PITPNM2: variants seen among roughly 807,000 people sequenced by gnomAD.
PITPNM2 encodes membrane-associated phosphatidylinositol transfer protein 2.
A neutral mutation model predicts 132.2 loss-of-function variants in PITPNM2; 35 were observed. The observed-to-expected ratio is 0.26, with a 90% confidence interval of 0.20 to 0.35. The LOEUF is 0.35. Among genes scored for constraint, PITPNM2 ranks in the 10% least tolerant of loss-of-function variants. The pLI is 1.00. For missense variants in PITPNM2, 1,332 were observed against 1,912.0 expected (o/e 0.70, Z 5.66); for synonymous variants, 738 against 799.2 (o/e 0.92, Z 1.29).
In PITPNM2 at chr12:123,000,686, G is replaced by A; in HGVS notation, c.1224+92C>T. On this transcript the variant is annotated intron_variant, in intron 10 of 25. Transcript: ENST00000320201. This position sits in a 1 kb window ranked among gnomAD's most constrained non-coding sequence, Gnocchi z 5.4. ...TGGAGGTGAGGCTGCCAGGCCCAGA[G>A]TTCCACCTCTGTAACCCCTCAGACT... 1.4e-6 allele frequency: 2 copies of A among 1,400,114 alleles called. No individual in the cohort carries two copies. Among genetic ancestry groups the A allele is most frequent in the Non-Finnish European group, 9.9e-7 (1 of 1,010,552 alleles). 86.7% of individuals were successfully genotyped at this position (1,400,114 alleles called of 1,614,324 possible). A position where few individuals can be genotyped will look rare whatever the true frequency, so the allele number is the denominator to read the frequency against.
At chr12:123,116,974 A>T (rs925503573) in intron 1 of PITPNM2, among the ~76,000 whole-genome samples, 2 of 152,220 alleles carry the variant, frequency 1.3e-5, no homozygotes, top group Non-Finnish European at 2.9e-5. Flanking sequence ...GCCCTGCCCA[A>T]ATTGCCACAC....
intron 1 of PITPNM2, among the ~76,000 whole-genome samples, chr12:123,121,720 T>C (rs2043035823): frequency 6.6e-6 from 1 of 150,594 alleles, no homozygotes; most frequent in African/African-American, 2.4e-5. Flanking sequence ...TTTAACATAA[T>C]TTTTTTTTAG....
At position 122,997,375 on chromosome 12, in the gene PITPNM2, G is replaced by A; in HGVS notation, c.1422C>T (p.Arg474=). 1 of 1,613,476 alleles carries A rather than the reference G, an allele frequency of 6.2e-7. No homozygotes were observed. Among genetic ancestry groups the A allele is most frequent in the Non-Finnish European group, 8.5e-7 (1 of 1,179,986 alleles). Residue 474 remains arginine, a synonymous_variant, in exon 11 of 26, where the codon CGC becomes CGT. Transcript: ENST00000320201. ...AGCAGACGGGCGGGCAGGGCACCAG[G>A]CGGATGGCAAGGCGGCCCAGGGCGC... ...YPSALGRLAI[R]LVPCPPVCSD...
intron 2 of PITPNM2, among the ~76,000 whole-genome samples, chr12:123,103,990 C>T (rs1172123845): frequency 6.6e-6 from 1 of 152,180 alleles, no homozygotes; most frequent in East Asian, 1.9e-4. Flanking sequence ...TGGCTAACCG[C>T]AACCTCCGCC....
At position 122,984,488 on chromosome 12, in the gene PITPNM2, C is replaced by T. The variant is rs1021116209; in HGVS notation, c.*1539G>A. ...TGCCTGAAACAACAAAAAGCTACAT[C>T]TTAAATATGAATAAACCCTGAAGGT... On this transcript the variant is annotated 3_prime_UTR_variant, in exon 26 of 26. Coordinates refer to ENST00000320201, the MANE Select transcript of PITPNM2 (RefSeq NM_020845.3). The T allele has an allele frequency of 1.3e-5, 2 of 152,536 alleles. No individual in the cohort carries two copies. The highest frequency in any genetic ancestry group is 2.9e-5 in the Non-Finnish European group (2 of 68,044). The allele number at this position is 152,536 out of a possible 1,614,324, so 9.4% of individuals were successfully genotyped here.
At position 123,005,110 on chromosome 12, in the gene PITPNM2, C is replaced by T. The variant is rs2038867468; in HGVS notation, c.952+130G>A. 2 of 1,166,396 alleles carry T rather than the reference C, an allele frequency of 1.7e-6. No homozygotes were observed. The highest frequency in any genetic ancestry group is 2.3e-5 in the Admixed American group (1 of 44,264). 72.3% of individuals were successfully genotyped at this position (1,166,396 alleles called of 1,614,324 possible). A position where few individuals can be genotyped will look rare whatever the true frequency, so the allele number is the denominator to read the frequency against. On this transcript the variant is annotated intron_variant, in intron 7 of 25. Transcript: ENST00000320201. This position sits in a 1 kb window ranked among gnomAD's most constrained non-coding sequence, Gnocchi z 6.2. ...TGCGAGGACTAGCCCAGGGCTCTGA[C>T]TCCCTCTGGGCTTGGTGCCTCAATG... is the stretch of plus-strand genomic sequence containing the variant.
At chr12:123,072,392 G>A (rs2041644866) in intron 2 of PITPNM2, among the ~76,000 whole-genome samples, 2 of 152,196 alleles carry the variant, frequency 1.3e-5, no homozygotes, top group Admixed American at 6.5e-5. Flanking sequence ...CTTAGAGAAA[G>A]GTGATGGGGA....
intron 2 of PITPNM2, among the ~76,000 whole-genome samples, chr12:123,107,951 A>G (rs2042755103): frequency 6.6e-6 from 1 of 152,174 alleles, no homozygotes; most frequent in South Asian, 2.1e-4. Flanking sequence ...GCACAGAGGG[A>G]GGAAGGAGAG....
Position 123,013,839 on chromosome 12 carries a change from G to A in PITPNM2, c.282C>T (p.Tyr94=). 1 of 1,614,100 alleles carries A rather than the reference G, an allele frequency of 6.2e-7. No individual in the cohort carries two copies. Among genetic ancestry groups the A allele is most frequent in the Non-Finnish European group, 8.5e-7 (1 of 1,180,014 alleles). Residue 94 remains tyrosine (Y), a synonymous_variant, in exon 4 of 26, where the codon TAC becomes TAT. Coordinates refer to ENST00000320201, the MANE Select transcript of PITPNM2 (RefSeq NM_020845.3). ...VVEESWNAYP[Y]TRTRFTCPFV... is the part of the protein sequence containing the mutation. The stretch of plus-strand genomic sequence containing the variant: ...CAAAGCAGGCGCACCTGGTTCGGGT[G>A]TAGGGGTAGGCATTCCAAGACTCCT...
In PITPNM2 at chr12:123,010,001, T is replaced by C. The variant is rs1253135161; in HGVS notation, c.492A>G (p.Ser164=). The change falls in exon 6 of 26, where the codon TCA becomes TCG. Residue 164 remains serine (S), a synonymous_variant. Transcript: ENST00000320201. ...KTEEDPKLFQ[S]TKTQRGPLSE... ...ACAGGGGCCCCCGCTGGGTCTTGGT[T>C]GACTGGAACAGCTTGGGGTCCTCTT... 3 of 1,614,232 alleles carry C rather than the reference T, an allele frequency of 1.9e-6. No individual in the cohort carries two copies. The East Asian group carries it at 6.7e-5, about 36-fold the overall frequency.
In PITPNM2 at chr12:123,000,571, A is replaced by T. The variant is rs1594133801; in HGVS notation, c.1224+207T>A. 1.5e-6 allele frequency: 1 copy of T among 667,918 alleles called. No individual in the cohort carries two copies. The highest frequency in any genetic ancestry group is 2.3e-5 in the Admixed American group (1 of 43,442). 41.4% of individuals were successfully genotyped at this position (667,918 alleles called of 1,614,324 possible). The stretch of plus-strand genomic sequence containing the variant: ...TGTCTGTAGTCCCTGGTTCTCGGGG[A>T]CCTCAGAGACAGAGGGCGACAGGCG... On this transcript the variant is annotated intron_variant, in intron 10 of 25. Coordinates refer to ENST00000320201, the MANE Select transcript of PITPNM2 (RefSeq NM_020845.3). The surrounding 1 kb of genome is among the most constrained non-coding windows in gnomAD (Gnocchi z 5.4).
At chr12:123,026,300 A>G (rs576940416) in intron 3 of PITPNM2, among the ~76,000 whole-genome samples, 1 of 152,304 alleles carries the variant, frequency 6.6e-6, no homozygotes, top group East Asian at 1.9e-4. Flanking sequence ...AAATGGAGTG[A>G]CGTGGCCACA....
chr12:123,044,762 A>C (rs2040598440), intron 2 of PITPNM2, among the ~76,000 whole-genome samples: 1 of 152,008 alleles, frequency 6.6e-6, no homozygotes, highest in African/African-American at 2.4e-5. Context: ...CCTTCTCTCC[A>C]TCTTGAGTCT....
Position 122,990,640 on chromosome 12 carries a change from G to A in PITPNM2, c.2474C>T (p.Pro825Leu). Residue 825 changes from proline (P) to leucine (L), a missense_variant, in exon 17 of 26, where the codon CCT (proline) becomes CTT (leucine). Around this residue, in one of 6 missense-constraint regions of PITPNM2, gnomAD observed 710 missense variants for 911.5 expected, o/e 0.78. Transcript: ENST00000320201. ...HGAPSSPGTA[P>L]ASRGFRRASE... Reference sequence around the variant, plus strand: ...GGCTCGGCGGAAGCCACGACTGGCAGGGGCAGTGCCCGGCGAGGAGGGGGC... The same window carrying A: ...GGCTCGGCGGAAGCCACGACTGGCAAGGGCAGTGCCCGGCGAGGAGGGGGC... 6.2e-7 allele frequency: 1 copy of A among 1,612,244 alleles called. No individual in the cohort carries two copies. The highest frequency in any genetic ancestry group is 8.5e-7 in the Non-Finnish European group (1 of 1,179,980).
rs1446877921 is a variant in PITPNM2, at chr12:123,134,518, CG to C, written c.-200+16234del. On this transcript the variant is annotated intron_variant, in intron 1 of 25. Coordinates refer to ENST00000320201, the MANE Select transcript of PITPNM2 (RefSeq NM_020845.3). ...TGCCAGGAAGCCCTCCAGGCACAACCGTTCTTGCACACACAAATGCCTCCTT... is the reference window on the plus strand; with the variant it reads ...TGCCAGGAAGCCCTCCAGGCACAACCTTCTTGCACACACAAATGCCTCCTT... Among the ~76,000 whole-genome samples, 8 of 152,154 alleles carry C rather than the reference CG, an allele frequency of 5.3e-5. 1 individual carries two copies. In the South Asian group the frequency reaches 1.7e-3, roughly 32 times the overall value.
chr12:122,988,927 C>T (rs898238887), intron 18 of PITPNM2, 55 bp from the exon 19 acceptor site: 12 of 1,476,906 alleles, frequency 8.1e-6, no homozygotes, highest in East Asian at 7.5e-5. Context: ...ACAGGGACCC[C>T]GAAGGGTCAC....
chr12:123,100,819 G>A (rs1483608586), intron 2 of PITPNM2, among the ~76,000 whole-genome samples: 3 of 152,174 alleles, frequency 2.0e-5, no homozygotes, highest in Admixed American at 1.3e-4. Flanking sequence ...GACCCAGTCA[G>A]ACTCACCTGA....
chr12:123,142,699 C>T (rs1305435746), intron 1 of PITPNM2, among the ~76,000 whole-genome samples: 2 of 152,164 alleles, frequency 1.3e-5, no homozygotes, highest in Admixed American at 1.3e-4. Flanking sequence ...TAATTGTTTC[C>T]TTACACGATA....
intron 18 of PITPNM2, 40 bp from the exon 19 acceptor site, chr12:122,988,912 C>T (rs1293299930): frequency 2.0e-6 from 3 of 1,503,524 alleles, no homozygotes; most frequent in African/African-American, 1.4e-5. Context: ...GCTGTATAGC[C>T]CCAGACAGGG....
Sources: allele counts gnomAD v4.1 joint callset (sites outside exome capture counted in the v4.1 genomes callset), GRCh38; gene constraint gnomAD v4.1.1; regional missense constraint gnomAD v4.1.1; non-coding constraint Gnocchi (gnomAD v3.1); transcripts MANE v1.5; gene names NCBI Gene and HGNC (gene_info 2026-07-23, HGNC 2026-07-21).